SPAG1: variants seen among roughly 807,000 people sequenced by gnomAD.
SPAG1 encodes sperm associated antigen 1, also known as sperm-associated antigen 1.
Under a neutral mutation model 100.5 loss-of-function variants are expected in SPAG1, and 69 were observed. That is an observed-to-expected ratio of 0.69 (90% CI 0.57 to 0.84). SPAG1 has a LOEUF of 0.84. Among genes scored for constraint, SPAG1 ranks in the 40% least tolerant of loss-of-function variants. SPAG1 has a pLI of 0.00. For missense variants in SPAG1, 955 were observed against 1,133.1 expected (o/e 0.84, Z 2.26); for synonymous variants, 336 against 411.6 (o/e 0.82, Z 2.22).
At chr8:100,178,824 C>G (rs1326809292) in intron 4 of SPAG1, among the ~76,000 whole-genome samples, 1 of 151,946 alleles carries the variant, frequency 6.6e-6, no homozygotes, top group Non-Finnish European at 1.5e-5. Flanking sequence ...TGGCCAGGCA[C>G]GGTGGCTCAC....
chr8:100,169,880 G>A (rs1270654334), intron 3 of SPAG1, among the ~76,000 whole-genome samples: 1 of 151,908 alleles, frequency 6.6e-6, no homozygotes, highest in Admixed American at 6.6e-5. Context: ...GCCCACAGTA[G>A]CCTGTTTCAT....
intron 16 of SPAG1, among the ~76,000 whole-genome samples, chr8:100,235,781 C>T (rs1041545074): frequency 6.6e-5 from 10 of 152,092 alleles, no homozygotes; most frequent in East Asian, 3.9e-4. Context: ...CTGTGACCCC[C>T]GCCCCATGCT....
intron 1 of SPAG1, chr8:100,159,007 A>C (rs1815192058): frequency 6.6e-6 from 1 of 151,806 alleles, no homozygotes; most frequent in Non-Finnish European, 1.5e-5. Context: ...AGAAATGTTA[A>C]AATGATGTTC....
Position 100,239,461 on chromosome 8 carries a change from T to C in SPAG1, c.2280+57T>C. 9.3e-7 allele frequency: 1 copy of C among 1,070,178 alleles called. No individual in the cohort carries two copies. The highest frequency in any genetic ancestry group is 1.4e-6 in the Non-Finnish European group (1 of 702,672). 66.3% of individuals were successfully genotyped at this position (1,070,178 alleles called of 1,614,324 possible). On this transcript the variant is annotated intron_variant, in intron 17 of 18. Coordinates refer to ENST00000388798, the MANE Select transcript of SPAG1 (RefSeq NM_003114.5). This position sits in a 1 kb window ranked among gnomAD's most constrained non-coding sequence, Gnocchi z 5.0. ...CCTTTGGGGACCTTAGACTGGATTCTAAGGTCATATTCCTGTGAGTTCTAA... is the reference window on the plus strand; with the variant it reads ...CCTTTGGGGACCTTAGACTGGATTCCAAGGTCATATTCCTGTGAGTTCTAA...
intron 3 of SPAG1, among the ~76,000 whole-genome samples, chr8:100,166,546 C>T (rs1021992144): frequency 6.6e-6 from 1 of 152,136 alleles, no homozygotes; most frequent in Admixed American, 6.5e-5. Flanking sequence ...TGTGAGCCAC[C>T]ATGCCTGGCC....
chr8:100,228,410 CA>C (rs71274969), intron 14 of SPAG1, among the ~76,000 whole-genome samples: 123 of 129,538 alleles, frequency 9.5e-4, no homozygotes, highest in South Asian at 1.8e-3. Flanking sequence ...CCATCTCTAC[CA>C]AAAAAAAAAA....
rs748879868 is a variant in SPAG1, at chr8:100,240,478, G to A, written c.2356G>A (p.Gly786Ser). The A allele has an allele frequency of 1.2e-6, 2 of 1,614,062 alleles. No homozygotes were observed. The highest frequency in any genetic ancestry group is 2.2e-5 in the East Asian group (1 of 44,870). The change falls in exon 18 of 19, where the codon GGC (glycine) becomes AGC (serine). Residue 786 changes from glycine to serine, a missense_variant. By Grantham distance (56) the Gly-to-Ser change is moderately conservative. Coordinates refer to ENST00000388798, the MANE Select transcript of SPAG1 (RefSeq NM_003114.5). ...SMGCLASEKG[G>S]KSSRSPEDPE... is the part of the protein sequence containing the mutation. Reference sequence around the variant, plus strand: ...GGGATGCCTTGCTTCTGAGAAGGGAGGCAAAAGCAGCAGGTCACCAGAAGA... The same window carrying A: ...GGGATGCCTTGCTTCTGAGAAGGGAAGCAAAAGCAGCAGGTCACCAGAAGA...
chr8:100,197,998 T>C (rs566592725), intron 10 of SPAG1, among the ~76,000 whole-genome samples: 1 of 152,302 alleles, frequency 6.6e-6, no homozygotes, highest in South Asian at 2.1e-4. Context: ...CCTTCTCTAG[T>C]AGAGATCATT....
intron 10 of SPAG1, among the ~76,000 whole-genome samples, chr8:100,196,522 C>G (rs11775662): frequency 0.17 from 25,498 of 152,092 alleles, 2,457 homozygotes; most frequent in South Asian, 0.23. Context: ...TGAAGTGTCT[C>G]TTCAAATTAT....
chr8:100,233,635 T>G, intron 16 of SPAG1, 98 bp downstream of exon 16: 4 of 1,254,360 alleles, frequency 3.2e-6, no homozygotes, highest in Non-Finnish European at 4.4e-6. Context: ...GGGATTGAGG[T>G]TATTCTTGGA....
At chr8:100,219,237 C>A (rs1818150795) in intron 12 of SPAG1, among the ~76,000 whole-genome samples, 1 of 152,192 alleles carries the variant, frequency 6.6e-6, no homozygotes, top group East Asian at 1.9e-4. Flanking sequence ...GGAAAAACAG[C>A]AAGTTAAAGA....
intron 10 of SPAG1, among the ~76,000 whole-genome samples, chr8:100,207,498 T>A (rs1328134980): frequency 1.3e-5 from 2 of 152,274 alleles, no homozygotes; most frequent in East Asian, 1.9e-4. Context: ...TTCCAGGACA[T>A]CCCTGAAGGA....
chr8:100,171,926 G>A (rs1815873906), intron 3 of SPAG1, among the ~76,000 whole-genome samples: 1 of 150,898 alleles, frequency 6.6e-6, no homozygotes, highest in Non-Finnish European at 1.5e-5. Flanking sequence ...ACGGAGTCTC[G>A]CTCTATCGCC....
chr8:100,178,931 A>G (rs1318900410), intron 4 of SPAG1, among the ~76,000 whole-genome samples: 1 of 151,836 alleles, frequency 6.6e-6, no homozygotes, highest in East Asian at 1.9e-4. Context: ...CATCTCTACT[A>G]AAAATACAAA....
At chr8:100,238,834 T>C (rs529107238) in intron 16 of SPAG1, among the ~76,000 whole-genome samples, 3 of 152,372 alleles carry the variant, frequency 2.0e-5, no homozygotes, top group South Asian at 2.1e-4. Flanking sequence ...GTTCCCCTTA[T>C]GTTAAAGATG....
chr8:100,239,882 T>A lies in SPAG1; in HGVS notation c.2280+478T>A, dbSNP rs138477134. On this transcript the variant is annotated intron_variant, in intron 17 of 18. Transcript: ENST00000388798. This position sits in a 1 kb window ranked among gnomAD's most constrained non-coding sequence, Gnocchi z 5.0. ...GATCAAACTGCTTTTGTGATTCAGA[T>A]AACTAAAATGTTTTTCTCTGCCTAA... Among the ~76,000 whole-genome samples, 4 of 152,360 alleles carry A rather than the reference T, an allele frequency of 2.6e-5. No homozygotes were observed. The East Asian group carries it at 7.7e-4, about 29-fold the overall frequency.
chr8:100,231,509 T>C lies in SPAG1; in HGVS notation c.1988+221T>C, dbSNP rs182971950. On this transcript the variant is annotated intron_variant, in intron 15 of 18. Transcript: ENST00000388798. The stretch of plus-strand genomic sequence containing the variant: ...CCTGAGGTGTGGGCGGGATGGGAGG[T>C]CTGACATAGTTTGTGCCACCAGGTT... 3.1e-3 allele frequency among the ~76,000 whole-genome samples: 464 copies of C among 152,036 alleles called. 2 individuals carry two copies. Among genetic ancestry groups the C allele is most frequent in the Non-Finnish European group, 5.2e-3 (352 of 67,952 alleles).
At chr8:100,218,657 C>T (rs925868123) in intron 12 of SPAG1, among the ~76,000 whole-genome samples, 2 of 152,206 alleles carry the variant, frequency 1.3e-5, no homozygotes, top group Non-Finnish European at 2.9e-5. Flanking sequence ...AAAACTAGCA[C>T]AGCACAAAGA....
At position 100,225,190 on chromosome 8, in the gene SPAG1, T is replaced by C. The variant is rs1346728416; in HGVS notation, c.1706T>C (p.Met569Thr). The change falls in exon 14 of 19, where the codon ATG (methionine) becomes ACG (threonine). Residue 569 changes from methionine to threonine, a missense_variant. Physicochemically the swap from Met to Thr is moderately conservative, Grantham distance 81. Transcript: ENST00000388798. ...DSVNRLSRIL[M>T]ELDGPNWREK... The stretch of plus-strand genomic sequence containing the variant: ...CTCTTTAGGCTATCAAGAATTTTAA[T>C]GGAGCTGGATGGACCAAATTGGCGG... 1 of 1,610,128 alleles carries C rather than the reference T, an allele frequency of 6.2e-7. No homozygotes were observed. The highest frequency in any genetic ancestry group is 8.5e-7 in the Non-Finnish European group (1 of 1,177,702).
Sources: gnomAD v4.1 joint callset for allele counts (sites outside exome capture counted in the v4.1 genomes callset) on GRCh38, gnomAD v4.1.1 for gene constraint, Gnocchi (gnomAD v3.1) non-coding constraint, MANE v1.5 for transcripts, NCBI Gene and HGNC (gene_info 2026-07-23, HGNC 2026-07-21) for gene names.